Variants in EXOC6B observed in about 807,000 individuals in gnomAD.
EXOC6B encodes SEC15 homolog B.
EXOC6B carries 54 observed loss-of-function variants against 113.5 expected under a neutral mutation model. The observed-to-expected ratio is 0.48, with a 90% CI of 0.38 to 0.60. The LOEUF (loss-of-function observed/expected upper bound fraction) is 0.60. EXOC6B is among the 20% of genes least tolerant of loss of function. EXOC6B has a pLI of 0.00. For missense variants in EXOC6B, 797 were observed against 977.5 expected, an observed-to-expected ratio of 0.82 and a Z score of 2.46; for synonymous variants, 357 against 339.0, an observed-to-expected ratio of 1.05 and a Z score of -0.58.
At chr2:72,741,245 A>G in intron 2 of EXOC6B, 59 bp downstream of exon 2, 1 of 1,504,606 alleles carries the variant, frequency 6.6e-7, no homozygotes, top group African/African-American at 1.4e-5. Flanking sequence ...TTAATCCTTT[A>G]ATCCTAATCA....
intron 18 of EXOC6B, among the ~76,000 whole-genome samples, chr2:72,428,395 C>T (rs1695328480): frequency 6.6e-6 from 1 of 152,226 alleles, no homozygotes; most frequent in Admixed American, 6.5e-5. Context: ...ACCACATTCC[C>T]TGGTACCAGC....
chr2:72,246,570 C>T (rs1047723737), intron 20 of EXOC6B, among the ~76,000 whole-genome samples: 1 of 149,070 alleles, frequency 6.7e-6, no homozygotes, highest in Non-Finnish European at 1.5e-5. Context: ...TGCAGTGGCG[C>T]AATCTCAGCT....
chr2:72,699,244 C>G (rs991640203), intron 6 of EXOC6B, among the ~76,000 whole-genome samples: 1 of 152,144 alleles, frequency 6.6e-6, no homozygotes, highest in Non-Finnish European at 1.5e-5. Context: ...CTTTGGGAAG[C>G]CAAGGCGGGT....
chr2:72,716,424 T>A (rs1679620633), intron 6 of EXOC6B, among the ~76,000 whole-genome samples: 1 of 152,188 alleles, frequency 6.6e-6, no homozygotes, highest in South Asian at 2.1e-4. Context: ...CTATCTTCCT[T>A]ACACTCTCGG....
Position 72,238,576 on chromosome 2 carries a change from T to C in EXOC6B, c.2197-54389A>G, listed in dbSNP as rs536635453. ...CCCCACCAATGCTTGTTGTTACTTG[T>C]CTTTTTTATTCTAGCTATCCTAGTG... On this transcript the variant is annotated intron_variant, in intron 20 of 21. Transcript: ENST00000272427. Among the ~76,000 whole-genome samples the C allele has an allele frequency of 3.3e-5, 5 of 152,350 alleles. No homozygotes were observed. In the South Asian group the frequency reaches 1.0e-3, roughly 32 times the overall value.
At chr2:72,340,171 A>G (rs920456844) in intron 19 of EXOC6B, among the ~76,000 whole-genome samples, 14 of 152,160 alleles carry the variant, frequency 9.2e-5, no homozygotes, top group African/African-American at 3.4e-4. Context: ...TATATAAAAG[A>G]GCACAGAATA....
intron 20 of EXOC6B, among the ~76,000 whole-genome samples, chr2:72,200,370 A>G (rs1376033376): frequency 6.6e-6 from 1 of 152,084 alleles, no homozygotes; most frequent in Non-Finnish European, 1.5e-5. Flanking sequence ...TTCTTTTTAA[A>G]ATAATTTTTA....
At chr2:72,575,116 C>G (rs1704747116) in intron 7 of EXOC6B, among the ~76,000 whole-genome samples, 1 of 152,072 alleles carries the variant, frequency 6.6e-6, no homozygotes, top group African/African-American at 2.4e-5. Flanking sequence ...CTTCAGCTTT[C>G]GAAGTAACAT....
chr2:72,763,398 C>A (rs1379820191), intron 1 of EXOC6B, among the ~76,000 whole-genome samples: 1 of 151,282 alleles, frequency 6.6e-6, no homozygotes, highest in Non-Finnish European at 1.5e-5. Context: ...TTCCTGTTTT[C>A]CAGAGAAAGT....
chr2:72,495,189 T>G (rs1021498167), intron 15 of EXOC6B, among the ~76,000 whole-genome samples: 7 of 152,156 alleles, frequency 4.6e-5, no homozygotes, highest in East Asian at 1.9e-4. Flanking sequence ...CATTAATAAG[T>G]GTTGAAATGC....
At chr2:72,408,368 T>C (rs1458629994) in intron 18 of EXOC6B, among the ~76,000 whole-genome samples, 7 of 152,142 alleles carry the variant, frequency 4.6e-5, no homozygotes, top group South Asian at 2.1e-4. Flanking sequence ...AAAACTACTT[T>C]AAAGTTCATA....
rs562361141 is a variant in EXOC6B, at chr2:72,449,246, G to A, written c.1980+15914C>T. 2.0e-5 allele frequency among the ~76,000 whole-genome samples: 3 copies of A among 151,898 alleles called. No homozygotes were observed. The South Asian group carries it at 6.3e-4, about 32-fold the overall frequency. ...CGCCCAGGCTGGAGTGCAGTGGTGC[G>A]ATCTCGGCTCGCTGCAAGCTCTGCC... is the stretch of plus-strand genomic sequence containing the variant. On this transcript the variant is annotated intron_variant, in intron 18 of 21. Coordinates refer to ENST00000272427, the MANE Select transcript of EXOC6B (RefSeq NM_015189.3).
In EXOC6B at chr2:72,643,710, G is replaced by A. The variant is rs570101107; in HGVS notation, c.670-68042C>T. Among the ~76,000 whole-genome samples, 232 of 148,436 alleles carry A rather than the reference G, an allele frequency of 1.6e-3. 2 individuals carry two copies. Among genetic ancestry groups the A allele is most frequent in the Middle Eastern group, 6.9e-3 (2 of 290 alleles). ...GCACACCAGCATGGCACATGTATAC[G>A]TATGTAACTAACCTGCACAATGTGC... On this transcript the variant is annotated intron_variant, in intron 6 of 21. Transcript: ENST00000272427.
rs143751935 is a variant in EXOC6B, at chr2:72,805,209, G to A, written c.113+20589C>T. Among the ~76,000 whole-genome samples the A allele has an allele frequency of 3.0e-4, 45 of 152,290 alleles. 1 individual carries two copies. In the East Asian group the frequency reaches 8.7e-3, roughly 29 times the overall value. On this transcript the variant is annotated intron_variant, in intron 1 of 21. Transcript: ENST00000272427. ...CCTCACAAAGTTTGTGAAATGATGT[G>A]AGAAATAAAAACACAATGATGACAC...
intron 18 of EXOC6B, among the ~76,000 whole-genome samples, chr2:72,401,656 T>TACATATATAC: frequency 1.3e-5 from 1 of 74,220 alleles, no homozygotes; most frequent in Non-Finnish European, 2.2e-5. Flanking sequence ...CATATATATA[T>TACATATATAC]ATATATATAT....
chr2:72,568,325 A>G (rs571744097), intron 7 of EXOC6B, among the ~76,000 whole-genome samples: 1 of 152,014 alleles, frequency 6.6e-6, no homozygotes, highest in African/African-American at 2.4e-5. Context: ...TATTGGAACA[A>G]CTAGAGATAG....
chr2:72,631,236 ATGTATATG>A (rs1216644383), intron 6 of EXOC6B, among the ~76,000 whole-genome samples: 1 of 151,650 alleles, frequency 6.6e-6, no homozygotes, highest in African/African-American at 2.4e-5. Flanking sequence ...GTGTACATAT[ATGTATATG>A]TGTATATATA....
At chr2:72,754,747 G>A (rs1682294864) in intron 1 of EXOC6B, among the ~76,000 whole-genome samples, 1 of 151,212 alleles carries the variant, frequency 6.6e-6, no homozygotes, top group Non-Finnish European at 1.5e-5. Flanking sequence ...CTAAGTAGCT[G>A]GGATTACAGG....
intron 18 of EXOC6B, among the ~76,000 whole-genome samples, chr2:72,408,312 T>A (rs1558639190): frequency 6.6e-6 from 1 of 152,192 alleles, no homozygotes; most frequent in African/African-American, 2.4e-5. Context: ...ATAGATTCAG[T>A]GCCATCCTCA....
Sources: allele counts gnomAD v4.1 joint callset (sites outside exome capture counted in the v4.1 genomes callset), GRCh38; gene constraint gnomAD v4.1.1; transcripts MANE v1.5; gene names NCBI Gene and HGNC (gene_info 2026-07-23, HGNC 2026-07-21).